Variants in GPC5 observed in about 807,000 individuals in gnomAD.
The protein encoded by GPC5 is glypican-5.
In GPC5, 47 loss-of-function variants were observed where a neutral mutation model predicts 53.9. The ratio of observed to expected loss-of-function variants is 0.87; its 90% CI spans 0.69 to 1.11. The LOEUF is 1.11. Among genes scored for constraint, GPC5 ranks in the 50% most tolerant of loss-of-function variants. The pLI is 0.00. For synonymous variants in GPC5, 286 were observed against 263.3 expected, an observed-to-expected ratio of 1.09 and a Z score of -0.84; for missense variants, 748 against 713.1, an observed-to-expected ratio of 1.05 and a Z score of -0.56.
intron 7 of GPC5, among the ~76,000 whole-genome samples, chr13:92,471,477 T>G (rs1028855032): frequency 6.6e-6 from 1 of 152,048 alleles, no homozygotes; most frequent in Non-Finnish European, 1.5e-5. Context: ...TCCCTATTTA[T>G]AGGTAAGCCA....
rs528474256 is a variant in GPC5 at position 91,448,847 on chromosome 13, G to C, written c.250G>C (p.Asp84His). The change falls in exon 2 of 8, where the codon GAT becomes CAT. Residue 84 changes from aspartate (D) to histidine (H), a missense_variant. Coordinates refer to ENST00000377067, the MANE Select transcript of GPC5 (RefSeq NM_004466.6). ...GAGATATCAGATTGCGGCTCGCCAG[G>C]ATATGCAGCAGTTTCTTCAAACGTC... ...EERYQIAARQ[D>H]MQQFLQTSSS... 7 of 1,613,684 alleles carry C rather than the reference G, an allele frequency of 4.3e-6. No individual in the cohort carries two copies. Among genetic ancestry groups the C allele is most frequent in the Admixed American group, 1.7e-5 (1 of 59,950 alleles).
intron 7 of GPC5, among the ~76,000 whole-genome samples, chr13:92,751,590 C>T (rs1889400358): frequency 1.1e-5 from 1 of 92,384 alleles, no homozygotes; most frequent in Non-Finnish European, 2.0e-5. Context: ...CACACCAGGG[C>T]CTGTTGTGGG....
At chr13:92,160,332 T>C (rs1271881360) in intron 7 of GPC5, among the ~76,000 whole-genome samples, 2 of 152,228 alleles carry the variant, frequency 1.3e-5, no homozygotes, top group East Asian at 3.9e-4. Context: ...TTGTTAACTG[T>C]GTAAAGTTAA....
At chr13:91,878,031 C>T (rs1003611708) in intron 5 of GPC5, among the ~76,000 whole-genome samples, 27 of 152,082 alleles carry the variant, frequency 1.8e-4, no homozygotes, top group African/African-American at 6.0e-4. Context: ...CTTTTGCCTC[C>T]CCCTGTGATT....
chr13:92,415,918 T>G (rs1876269322), intron 7 of GPC5, among the ~76,000 whole-genome samples: 1 of 152,130 alleles, frequency 6.6e-6, no homozygotes, highest in Non-Finnish European at 1.5e-5. Flanking sequence ...CACATTTTTG[T>G]GGAAGGATGC....
chr13:92,105,493 G>T (rs558023502), intron 6 of GPC5, among the ~76,000 whole-genome samples: 1 of 152,056 alleles, frequency 6.6e-6, no homozygotes, highest in South Asian at 2.1e-4. Context: ...TTTAAAATAG[G>T]AAAGTGAAGC....
At chr13:91,609,535 A>G (rs2033482822) in intron 2 of GPC5, among the ~76,000 whole-genome samples, 1 of 152,210 alleles carries the variant, frequency 6.6e-6, no homozygotes. Flanking sequence ...CCCAGCTGCC[A>G]GAGGTTTCAC....
In GPC5 at chr13:91,400,040, G is replaced by A. The variant is rs536758114; in HGVS notation, c.163+831G>A. 2.6e-5 allele frequency among the ~76,000 whole-genome samples: 4 copies of A among 152,282 alleles called. No homozygotes were observed. The South Asian group carries it at 6.2e-4, about 24-fold the overall frequency. ...CGCACCAATTTCCTTCTGCTGGTGG[G>A]AGTTCCAGTGTAGGTTCTGTCTGGA... On this transcript the variant is annotated intron_variant, in intron 1 of 7. Coordinates refer to ENST00000377067, the MANE Select transcript of GPC5 (RefSeq NM_004466.6).
intron 2 of GPC5, among the ~76,000 whole-genome samples, chr13:91,597,723 T>G (rs1211954128): frequency 1.3e-5 from 2 of 152,190 alleles, no homozygotes; most frequent in African/African-American, 4.8e-5. Context: ...TTCCTGACTT[T>G]ACAAGGTATA....
At chr13:91,871,908 G>C (rs2039149464) in intron 5 of GPC5, among the ~76,000 whole-genome samples, 1 of 152,028 alleles carries the variant, frequency 6.6e-6, no homozygotes, top group South Asian at 2.1e-4. Flanking sequence ...AAGAGTTAAA[G>C]AAGAAACGCA....
rs1253594774 is a variant in GPC5 at position 92,245,555 on chromosome 13, C to T, written c.1561+100566C>T. On this transcript the variant is annotated intron_variant, in intron 7 of 7. Coordinates refer to ENST00000377067, the MANE Select transcript of GPC5 (RefSeq NM_004466.6). The stretch of plus-strand genomic sequence containing the variant: ...GAATGATTAAATAAACATGTCTGAA[C>T]CTTAGTTTCTTTATACAGAAAGTGG... Among the ~76,000 whole-genome samples, 5 of 152,136 alleles carry T rather than the reference C, an allele frequency of 3.3e-5. No individual in the cohort carries two copies. The South Asian group carries it at 1.0e-3, about 32-fold the overall frequency.
At chr13:92,768,534 A>G (rs1334823526) in intron 7 of GPC5, among the ~76,000 whole-genome samples, 2 of 152,080 alleles carry the variant, frequency 1.3e-5, no homozygotes, top group Non-Finnish European at 2.9e-5. Context: ...ATTTTCCTGC[A>G]CTGGGTTCAA....
At chr13:92,011,021 C>T (rs1424952672) in intron 6 of GPC5, among the ~76,000 whole-genome samples, 1 of 152,132 alleles carries the variant, frequency 6.6e-6, no homozygotes, top group Non-Finnish European at 1.5e-5. Flanking sequence ...TTATCTTCAA[C>T]AGTTTTGCAT....
chr13:92,264,101 A>C (rs1191914388), intron 7 of GPC5, among the ~76,000 whole-genome samples: 1 of 152,156 alleles, frequency 6.6e-6, no homozygotes, highest in Non-Finnish European at 1.5e-5. Flanking sequence ...AAATTTTAAA[A>C]ATAAAAGAAA....
intron 7 of GPC5, among the ~76,000 whole-genome samples, chr13:92,163,460 CA>C (rs35480023): frequency 0.37 from 33,664 of 90,112 alleles, 3,257 homozygotes; most frequent in African/African-American, 0.39. Flanking sequence ...GATTCCATCT[CA>C]AAAAAAAAAA....
chr13:92,434,799 G>T (rs747392769), intron 7 of GPC5, among the ~76,000 whole-genome samples: 6 of 152,192 alleles, frequency 3.9e-5, no homozygotes, highest in Non-Finnish European at 5.9e-5. Flanking sequence ...AAAGACAGGA[G>T]CAGAGCTGGG....
intron 6 of GPC5, among the ~76,000 whole-genome samples, chr13:92,023,056 C>T (rs935404257): frequency 6.6e-6 from 1 of 152,008 alleles, no homozygotes; most frequent in Non-Finnish European, 1.5e-5. Flanking sequence ...ACTTTAAACT[C>T]TCTCAGTGCC....
At chr13:92,387,467 G>A (rs943648996) in intron 7 of GPC5, among the ~76,000 whole-genome samples, 1 of 152,054 alleles carries the variant, frequency 6.6e-6, no homozygotes, top group African/African-American at 2.4e-5. Context: ...TAAGGCTGTA[G>A]CCAGTGAGGC....
At chr13:91,882,669 G>GTTTT (rs1469974080) in intron 5 of GPC5, among the ~76,000 whole-genome samples, 2 of 19,710 alleles carry the variant, frequency 1.0e-4, no homozygotes, top group South Asian at 1.7e-3. Context: ...TTGTTTTTTG[G>GTTTT]GTTTTTTTTT....
Sources: gnomAD v4.1 joint callset for allele counts (sites outside exome capture counted in the v4.1 genomes callset) on GRCh38, gnomAD v4.1.1 for gene constraint, MANE v1.5 for transcripts, NCBI Gene and HGNC (gene_info 2026-07-23, HGNC 2026-07-21) for gene names.